ZNF423: variants seen among roughly 807,000 people sequenced by gnomAD.
ZNF423 encodes the protein Ebf-associated zinc finger protein.
In ZNF423, 12 loss-of-function variants were observed where a neutral mutation model predicts 95.8. That is an observed-to-expected ratio of 0.13 (90% CI 0.08 to 0.20). ZNF423 has a LOEUF of 0.20. Among genes scored for constraint, ZNF423 ranks in the 10% least tolerant of loss-of-function variants. ZNF423 has a pLI of 1.00. For synonymous variants in ZNF423, 749 were observed against 711.9 expected (o/e 1.05, Z -0.83); for missense variants, 1,316 against 1,737.1 (o/e 0.76, Z 4.31).
intron 1 of ZNF423, among the ~76,000 whole-genome samples, chr16:49,840,178 A>G (rs1241035302): frequency 1.3e-5 from 2 of 152,184 alleles, no homozygotes; most frequent in Non-Finnish European, 2.9e-5. Flanking sequence ...GTGATCAAAT[A>G]AGTTTGGAAA....
At chr16:49,810,145 G>T (rs12597606) in intron 1 of ZNF423, among the ~76,000 whole-genome samples, 2 of 151,946 alleles carry the variant, frequency 1.3e-5, no homozygotes, top group Admixed American at 6.5e-5. Context: ...GGTCGGGGAG[G>T]CTGGGGGAGT....
chr16:49,689,666 G>A (rs2031705289), intron 3 of ZNF423, among the ~76,000 whole-genome samples: 1 of 152,124 alleles, frequency 6.6e-6, no homozygotes, highest in Non-Finnish European at 1.5e-5. Flanking sequence ...GTTACTGCAA[G>A]CAATCCCGTG....
intron 1 of ZNF423, among the ~76,000 whole-genome samples, chr16:49,804,210 C>T (rs921400245): frequency 6.6e-6 from 1 of 152,124 alleles, no homozygotes; most frequent in Non-Finnish European, 1.5e-5. Context: ...GCTGGGATTA[C>T]AGGCCTGAGG....
intron 1 of ZNF423, among the ~76,000 whole-genome samples, chr16:49,842,413 GCA>G (rs2035200013): frequency 1.2e-5 from 1 of 85,254 alleles, no homozygotes; most frequent in Non-Finnish European, 2.6e-5. Flanking sequence ...AGGAAGGAAG[GCA>G]GGCAGGCAGG....
At chr16:49,557,058 C>T (rs887494618) in intron 5 of ZNF423, among the ~76,000 whole-genome samples, 2 of 152,218 alleles carry the variant, frequency 1.3e-5, no homozygotes, top group African/African-American at 4.8e-5. Flanking sequence ...CATTTTGGTG[C>T]CCGCTGTCAC....
At chr16:49,623,731 T>C (rs1972162500) in intron 5 of ZNF423, among the ~76,000 whole-genome samples, 1 of 152,138 alleles carries the variant, frequency 6.6e-6, no homozygotes, top group Non-Finnish European at 1.5e-5. Flanking sequence ...CTGCTCTTCC[T>C]GGGCCCCTCC....
intron 5 of ZNF423, among the ~76,000 whole-genome samples, chr16:49,599,930 T>C (rs1196874165): frequency 6.6e-6 from 1 of 152,186 alleles, no homozygotes; most frequent in Non-Finnish European, 1.5e-5. Context: ...TTTGTTGATG[T>C]GGGTGCTGGT....
intron 1 of ZNF423, among the ~76,000 whole-genome samples, chr16:49,836,416 G>C (rs905101022): frequency 6.6e-6 from 1 of 152,108 alleles, no homozygotes; most frequent in African/African-American, 2.4e-5. Context: ...GGTCTCGGGG[G>C]ATCAAGGTGT....
At chr16:49,834,702 G>T (rs1031900881) in intron 1 of ZNF423, among the ~76,000 whole-genome samples, 10 of 152,190 alleles carry the variant, frequency 6.6e-5, no homozygotes, top group Admixed American at 6.5e-4. Context: ...GGGGCAGGGT[G>T]GCTGCCACTC....
intron 2 of ZNF423, among the ~76,000 whole-genome samples, chr16:49,744,754 C>T (rs1432431823): frequency 2.0e-5 from 3 of 152,192 alleles, no homozygotes; most frequent in African/African-American, 7.2e-5. Context: ...AGACCCACCC[C>T]AGGGACCTGG....
At chr16:49,609,229 G>A (rs1971638677) in intron 5 of ZNF423, among the ~76,000 whole-genome samples, 1 of 152,190 alleles carries the variant, frequency 6.6e-6, no homozygotes, top group South Asian at 2.1e-4. Context: ...CTTCTGCACT[G>A]GAGTGGGGTC....
intron 5 of ZNF423, among the ~76,000 whole-genome samples, chr16:49,601,786 C>T (rs1456216419): frequency 6.6e-6 from 1 of 152,186 alleles, no homozygotes; most frequent in African/African-American, 2.4e-5. Flanking sequence ...GGAACACAGC[C>T]GCAGCTGGAG....
upstream of ZNF423, among the ~76,000 whole-genome samples, chr16:49,856,536 T>TG (rs112269872): frequency 2.7e-5 from 4 of 150,798 alleles, no homozygotes; most frequent in East Asian, 2.0e-4. Context: ...TTATGATGGA[T>TG]GGGGGGCGGG....
At chr16:49,643,089 G>T (rs1409516500) in intron 3 of ZNF423, among the ~76,000 whole-genome samples, 2 of 152,096 alleles carry the variant, frequency 1.3e-5, no homozygotes, top group African/African-American at 2.4e-5. Flanking sequence ...CCAAAGTGCT[G>T]GGATTACAGG....
At chr16:49,584,463 C>T (rs1004537910) in intron 5 of ZNF423, among the ~76,000 whole-genome samples, 9 of 152,164 alleles carry the variant, frequency 5.9e-5, no homozygotes, top group South Asian at 2.1e-4. Flanking sequence ...ACAGCCTCCC[C>T]GAGCCTCCTA....
At chr16:49,632,423 G>T (rs1011427536) in intron 4 of ZNF423, among the ~76,000 whole-genome samples, 1 of 152,134 alleles carries the variant, frequency 6.6e-6, no homozygotes, top group African/African-American at 2.4e-5. Flanking sequence ...CCACACAGGG[G>T]GCAAGGCCCC....
intron 3 of ZNF423, among the ~76,000 whole-genome samples, chr16:49,701,184 G>A (rs1410764767): frequency 6.6e-6 from 1 of 152,252 alleles, no homozygotes; most frequent in Non-Finnish European, 1.5e-5. Context: ...AACCAAAGGT[G>A]AGTGTGCAGG....
chr16:49,568,601 T>TGCTTCC (rs1970265983), intron 5 of ZNF423, among the ~76,000 whole-genome samples: 1 of 152,314 alleles, frequency 6.6e-6, no homozygotes, highest in East Asian at 1.9e-4. Flanking sequence ...TCTCCCTTCC[T>TGCTTCC]GCCTCCGCCT....
Position 49,556,495 on chromosome 16 carries a change from C to G in ZNF423, c.3602-31001G>C, listed in dbSNP as rs189016282. On this transcript the variant is annotated intron_variant, in intron 5 of 7. Coordinates refer to ENST00000563137, the MANE Select transcript of ZNF423 (RefSeq NM_001379286.1). ...TCTGCCCTATCAACTCGGAGGCCCC[C>G]ACAGCCCCCAGTTCAGTACTTTGCA... Among the ~76,000 whole-genome samples, 183 of 152,292 alleles carry G rather than the reference C, an allele frequency of 1.2e-3. 2 individuals are homozygous for G. The highest frequency in any genetic ancestry group is 4.3e-3 in the African/African-American group (178 of 41,552).
Sources: allele counts gnomAD v4.1 joint callset (sites outside exome capture counted in the v4.1 genomes callset), GRCh38; gene constraint gnomAD v4.1.1; transcripts MANE v1.5; gene names NCBI Gene and HGNC (gene_info 2026-07-23, HGNC 2026-07-21).